AASDHPPT: variants seen among roughly 807,000 people sequenced by gnomAD.
AASDHPPT encodes the protein aminoadipate-semialdehyde dehydrogenase-phosphopantetheinyl transferase, also known as L-aminoadipate-semialdehyde dehydrogenase-phosphopantetheinyl transferase.
Under a neutral mutation model 36.4 loss-of-function variants are expected in AASDHPPT, and 23 were observed. That is an observed-to-expected ratio of 0.63 (90% CI 0.45 to 0.89). The LOEUF is 0.89. Ranked by LOEUF, AASDHPPT falls within the 40% of genes least tolerant of loss-of-function variation. The pLI, the probability that AASDHPPT is intolerant of heterozygous loss-of-function variation, is 0.00. For missense variants in AASDHPPT, 377 were observed against 378.2 expected (o/e 1.00, Z 0.03); for synonymous variants, 115 against 128.0 (o/e 0.90, Z 0.68).
chr11:106,091,268 A>C (rs746725621), intron 3 of AASDHPPT, 48 bp from the exon 4 acceptor site: 9 of 1,536,046 alleles, frequency 5.9e-6, no homozygotes, highest in Non-Finnish European at 7.9e-6. Context: ...TTCTATGAAA[A>C]ATTTTTGTCC....
chr11:106,091,534 G>A (rs1861257310), intron 4 of AASDHPPT, 57 bp downstream of exon 4: 2 of 1,487,706 alleles, frequency 1.3e-6, no homozygotes, highest in Non-Finnish European at 1.8e-6. Context: ...ATGCATGTAT[G>A]TGTGATTAAT....
chr11:106,079,381 A>G (rs1861106097), intron 1 of AASDHPPT, 86 bp from the exon 2 acceptor site: 2 of 1,220,290 alleles, frequency 1.6e-6, no homozygotes, highest in East Asian at 2.6e-5. Context: ...AAAATTTTAG[A>G]AACCAAAAAA....
rs181132335 is a variant in AASDHPPT at position 106,097,134 on chromosome 11, C to T, written c.*227C>T. 50 of 393,260 alleles carry T rather than the reference C, an allele frequency of 1.3e-4. No individual in the cohort carries two copies. The highest frequency in any genetic ancestry group is 8.9e-4 in the African/African-American group (42 of 47,264). 24.4% of individuals were successfully genotyped at this position (393,260 alleles called of 1,614,324 possible). On this transcript the variant is annotated 3_prime_UTR_variant, in exon 6 of 6. Transcript: ENST00000278618. ...TGCATTGAATTGATAGGAAGGATGG[C>T]GGAATCTTAAAGTGATACATGCTAA...
At chr11:106,083,871 CAG>C (rs1455384821) in intron 2 of AASDHPPT, among the ~76,000 whole-genome samples, 4 of 151,854 alleles carry the variant, frequency 2.6e-5, no homozygotes, top group South Asian at 2.1e-4. Context: ...TCAAACGAGA[CAG>C]AGTTCAGAAT....
chr11:106,095,465 G>C (rs966646985), intron 5 of AASDHPPT, among the ~76,000 whole-genome samples: 1 of 152,166 alleles, frequency 6.6e-6, no homozygotes, highest in African/African-American at 2.4e-5. Context: ...CAGCCACAAT[G>C]TTTTTATACT....
chr11:106,092,585 A>G lies in AASDHPPT; in HGVS notation c.693+1108A>G, dbSNP rs575681084. The G allele has an allele frequency of 2.6e-5, 4 of 152,218 alleles. No homozygotes were observed. The South Asian group carries it at 8.3e-4, about 32-fold the overall frequency. The allele number at this position is 152,218 out of a possible 1,614,324, so 9.4% of individuals were successfully genotyped here. ...GAACAGCTATATATTGAATCTATGA[A>G]GAGAGAAGTGGAAATTGAAACCACA... On this transcript the variant is annotated intron_variant, in intron 4 of 5. Transcript: ENST00000278618.
Position 106,097,533 on chromosome 11 carries a change from CTT to C in AASDHPPT, c.*632_*633del, listed in dbSNP as rs1238821542. On this transcript the variant is annotated 3_prime_UTR_variant, in exon 6 of 6. Transcript: ENST00000278618. ...GTTCAGGGGTGTCATTAAAGACACA[CTT>C]TTTTTGCCTTGACCTCAGTTGGTTT... 1 of 152,124 alleles carries C rather than the reference CTT, an allele frequency of 6.6e-6. No homozygotes were observed. Among genetic ancestry groups the C allele is most frequent in the Non-Finnish European group, 1.5e-5 (1 of 68,010 alleles). The allele number at this position is 152,124 out of a possible 1,614,324, so 9.4% of individuals were successfully genotyped here.
intron 5 of AASDHPPT, among the ~76,000 whole-genome samples, chr11:106,095,137 T>C (rs1430295903): frequency 2.6e-5 from 4 of 151,962 alleles, no homozygotes; most frequent in Admixed American, 1.3e-4. Flanking sequence ...AAAAAAGAAA[T>C]GTTACCCGCT....
Position 106,079,642 on chromosome 11 carries a change from C to T in AASDHPPT, c.359C>T (p.Ala120Val). The T allele has an allele frequency of 6.2e-7, 1 of 1,614,148 alleles. No homozygotes were observed. The highest frequency in any genetic ancestry group is 1.1e-5 in the South Asian group (1 of 91,078). ...CAAGGAGACTATGCAGTGCTTGCTG[C>T]TGAACCTGAGCTGCAAGTTGGAATT... ...SHQGDYAVLA[A>V]EPELQVGIDI... Residue 120 changes from alanine to valine, a missense_variant, in exon 2 of 6, where the codon GCT becomes GTT. By Grantham distance (64) the Ala-to-Val change is moderately conservative. Coordinates refer to ENST00000278618, the MANE Select transcript of AASDHPPT (RefSeq NM_015423.3).
intron 1 of AASDHPPT, 39 bp downstream of exon 1, chr11:106,077,932 C>G (rs1306706085): frequency 1.3e-6 from 2 of 1,598,924 alleles, no homozygotes; most frequent in Non-Finnish European, 8.5e-7. Context: ...GCCTAGGAAG[C>G]AGATCTTGGG....
At chr11:106,088,355 A>T (rs2155340) in intron 2 of AASDHPPT, among the ~76,000 whole-genome samples, 93,195 of 151,826 alleles carry the variant, frequency 0.61, 32,431 homozygotes, top group Non-Finnish European at 0.77. Context: ...GCAGAATGAC[A>T]CTATAGATGA....
intron 2 of AASDHPPT, among the ~76,000 whole-genome samples, chr11:106,082,780 A>G (rs914597011): frequency 6.6e-6 from 1 of 152,034 alleles, no homozygotes; most frequent in Non-Finnish European, 1.5e-5. Context: ...TCTTCATCTT[A>G]ATTTATTACC....
At chr11:106,095,276 A>C (rs2135046222) in intron 5 of AASDHPPT, among the ~76,000 whole-genome samples, 1 of 152,272 alleles carries the variant, frequency 6.6e-6, no homozygotes, top group Middle Eastern at 3.4e-3. Flanking sequence ...TTCTTGGTGA[A>C]TTGGGGTTGT....
intron 2 of AASDHPPT, chr11:106,089,688 T>C (rs1861234509): frequency 1.3e-5 from 2 of 152,114 alleles, no homozygotes; most frequent in South Asian, 4.1e-4. Context: ...TTGTGCTTGG[T>C]GGTAAAGACA....
intron 2 of AASDHPPT, among the ~76,000 whole-genome samples, chr11:106,082,120 A>C (rs1861149640): frequency 6.6e-6 from 1 of 152,036 alleles, no homozygotes; most frequent in Non-Finnish European, 1.5e-5. Flanking sequence ...AGTTTTTTTT[A>C]GTTGATCTTA....
chr11:106,086,847 A>G (rs535470165), intron 2 of AASDHPPT, among the ~76,000 whole-genome samples: 2 of 152,322 alleles, frequency 1.3e-5, no homozygotes, highest in East Asian at 3.9e-4. Flanking sequence ...AGAAGTTCGA[A>G]GTAAAAAGGG....
chr11:106,079,659 G>A lies in AASDHPPT; in HGVS notation c.376G>A (p.Val126Ile). The A allele has an allele frequency of 6.2e-7, 1 of 1,614,138 alleles. No individual in the cohort carries two copies. Among genetic ancestry groups the A allele is most frequent in the South Asian group, 1.1e-5 (1 of 91,066 alleles). ...AVLAAEPELQVGIDIMKTSFP... is the reference protein window; with the variant it reads ...AVLAAEPELQIGIDIMKTSFP... The stretch of plus-strand genomic sequence containing the variant: ...GCTTGCTGCTGAACCTGAGCTGCAA[G>A]TTGGAATTGATATAATGAAGACTAG... Residue 126 changes from valine to isoleucine, a missense_variant, in exon 2 of 6, where the codon GTT becomes ATT. Coordinates refer to ENST00000278618, the MANE Select transcript of AASDHPPT (RefSeq NM_015423.3).
Position 106,077,845 on chromosome 11 carries a change from G to A in AASDHPPT, c.135G>A (p.Lys45=). 6.2e-7 allele frequency: 1 copy of A among 1,614,192 alleles called. No individual in the cohort carries two copies. The highest frequency in any genetic ancestry group is 8.5e-7 in the Non-Finnish European group (1 of 1,180,006). Reference sequence around the variant, plus strand: ...TGCGATCGATTCAGCCCGAGGAGAAGGAGCGCATTGGCCAGTTCGTCTTTG... The same window carrying A: ...TGCGATCGATTCAGCCCGAGGAGAAAGAGCGCATTGGCCAGTTCGTCTTTG... ...LAVRSIQPEE[K]ERIGQFVFAR... The change falls in exon 1 of 6, where the codon AAG becomes AAA. Residue 45 remains lysine (K), a synonymous_variant. Coordinates refer to ENST00000278618, the MANE Select transcript of AASDHPPT (RefSeq NM_015423.3).
intron 2 of AASDHPPT, among the ~76,000 whole-genome samples, chr11:106,083,138 C>A (rs962235960): frequency 2.0e-5 from 3 of 152,094 alleles, no homozygotes; most frequent in African/African-American, 7.2e-5. Flanking sequence ...AAAACCAAGT[C>A]TCCACCCTCA....
Sources: gnomAD v4.1 joint callset for allele counts (sites outside exome capture counted in the v4.1 genomes callset) on GRCh38, gnomAD v4.1.1 for gene constraint, MANE v1.5 for transcripts, NCBI Gene and HGNC (gene_info 2026-07-23, HGNC 2026-07-21) for gene names.